The following ANKRD17 variants were observed in gnomAD, a reference collection of about 807,000 sequenced individuals.
The protein encoded by ANKRD17 is ankyrin repeat domain-containing protein 17.
ANKRD17 carries 19 observed loss-of-function variants against 229.7 expected under a neutral mutation model. That is an observed-to-expected ratio of 0.08 (90% CI 0.06 to 0.12). ANKRD17 has a LOEUF of 0.12. Among genes scored for constraint, ANKRD17 ranks in the 10% least tolerant of loss-of-function variants. The pLI is 1.00. For synonymous variants in ANKRD17, 1,112 were observed against 1,146.1 expected (o/e 0.97, Z 0.60); for missense variants, 2,176 against 3,176.8 (o/e 0.68, Z 7.57).
intron 1 of ANKRD17, among the ~76,000 whole-genome samples, chr4:73,180,798 G>C (rs1047935698): frequency 1.3e-5 from 2 of 152,130 alleles, no homozygotes; most frequent in African/African-American, 4.8e-5. Context: ...AATTGCTTTA[G>C]CTGTTACCTA....
At position 73,091,245 on chromosome 4, in the gene ANKRD17, A is replaced by C; in HGVS notation, c.6383T>G (p.Val2128Gly). 6.2e-7 allele frequency: 1 copy of C among 1,614,184 alleles called. No homozygotes were observed. The highest frequency in any genetic ancestry group is 8.5e-7 in the Non-Finnish European group (1 of 1,180,032). The change falls in exon 29 of 34, where the codon GTT (valine) becomes GGT (glycine). Residue 2128 changes from valine to glycine, a missense_variant. Transcript: ENST00000358602. ...AGTCATTCTAACTTCCGGGGGAGGA[A>C]CCTGAGACTGCTGAAGAGGTGGTCT... is the stretch of plus-strand genomic sequence containing the variant. ...EPRPPLQQSQ[V>G]PPPEVRMTVP...
At chr4:73,160,964 T>C (rs1732450005) in intron 3 of ANKRD17, among the ~76,000 whole-genome samples, 1 of 152,240 alleles carries the variant, frequency 6.6e-6, no homozygotes, top group South Asian at 2.1e-4. Context: ...TATTATCTAT[T>C]TGATCTTGAT....
At chr4:73,232,653 C>T (rs1168908124) in intron 1 of ANKRD17, among the ~76,000 whole-genome samples, 2 of 152,024 alleles carry the variant, frequency 1.3e-5, no homozygotes, top group Non-Finnish European at 2.9e-5. Flanking sequence ...ATCACTTGGC[C>T]CGAGAACATA....
At chr4:73,231,702 T>C (rs1362834303) in intron 1 of ANKRD17, among the ~76,000 whole-genome samples, 1 of 152,122 alleles carries the variant, frequency 6.6e-6, no homozygotes, top group African/African-American at 2.4e-5. Flanking sequence ...AGGCCCTAGG[T>C]AGCTTCAGAA....
chr4:73,239,780 A>G (rs1469694342), intron 1 of ANKRD17, among the ~76,000 whole-genome samples: 1 of 152,194 alleles, frequency 6.6e-6, no homozygotes, highest in East Asian at 1.9e-4. Flanking sequence ...ATATAAAAAA[A>G]TCAAATGGAT....
chr4:73,196,276 G>T (rs1410935918), intron 1 of ANKRD17, among the ~76,000 whole-genome samples: 1 of 152,158 alleles, frequency 6.6e-6, no homozygotes, highest in Admixed American at 6.5e-5. Context: ...GGGATTACAG[G>T]CATGAGCCAC....
At position 73,074,211 on chromosome 4, in the gene ANKRD17, C is replaced by G. The variant is rs780733351; in HGVS notation, c.*2020G>C. On this transcript the variant is annotated 3_prime_UTR_variant, in exon 34 of 34. Transcript: ENST00000358602. ...CCTCCTTTTTAAATAAAATACCTCA[C>G]CTAAGAAATTCAGTATTGTGAAACA... 3 of 151,786 alleles carry G rather than the reference C, an allele frequency of 2.0e-5. No homozygotes were observed. Among genetic ancestry groups the G allele is most frequent in the Non-Finnish European group, 4.4e-5 (3 of 67,816 alleles). 9.4% of individuals were successfully genotyped at this position (151,786 alleles called of 1,614,324 possible).
At chr4:73,086,013 T>C (rs1722084230) in intron 29 of ANKRD17, among the ~76,000 whole-genome samples, 1 of 151,978 alleles carries the variant, frequency 6.6e-6, no homozygotes, top group African/African-American at 2.4e-5. Flanking sequence ...AACTAAACTA[T>C]GTAGATAATT....
Position 73,172,250 on chromosome 4 carries a change from C to T in ANKRD17, c.547+5130G>A, listed in dbSNP as rs191159625. ...AGACTTTTCAGTGGAAACCTTACAG[C>T]CCAGGAGAGAGTGGCATGACATAAA... is the stretch of plus-strand genomic sequence containing the variant. On this transcript the variant is annotated intron_variant, in intron 2 of 33. Transcript: ENST00000358602. Among the ~76,000 whole-genome samples, 23 of 152,168 alleles carry T rather than the reference C, an allele frequency of 1.5e-4. No homozygotes were observed. In the East Asian group the frequency reaches 4.3e-3, roughly 28 times the overall value.
At chr4:73,094,485 C>T (rs973897241) in intron 27 of ANKRD17, among the ~76,000 whole-genome samples, 2 of 151,986 alleles carry the variant, frequency 1.3e-5, no homozygotes, top group Non-Finnish European at 2.9e-5. Flanking sequence ...TCACTTGTAT[C>T]GGTAAAGCAC....
At chr4:73,100,263 G>A (rs1375395080) in intron 25 of ANKRD17, among the ~76,000 whole-genome samples, 1 of 152,130 alleles carries the variant, frequency 6.6e-6, no homozygotes, top group Admixed American at 6.5e-5. Flanking sequence ...GGCAGGCTGG[G>A]TGACCGACCA....
intron 1 of ANKRD17, among the ~76,000 whole-genome samples, chr4:73,207,733 T>C (rs1739665090): frequency 6.6e-6 from 1 of 152,130 alleles, no homozygotes; most frequent in Non-Finnish European, 1.5e-5. Flanking sequence ...ATAGTAACTC[T>C]AAATGTGTAT....
rs1480843501 is a variant in ANKRD17 at position 73,206,422 on chromosome 4, A to AAGCGAG, written c.394-28890_394-28889insCTCGCT. 1.0e-3 allele frequency among the ~76,000 whole-genome samples: 145 copies of AAGCGAG among 144,770 alleles called. 2 individuals carry two copies. The highest frequency in any genetic ancestry group is 3.0e-3 in the African/African-American group (113 of 37,608). The allele number at this position is 144,770 out of a possible 152,430, so 95.0% of individuals were successfully genotyped here. ...AGAAAGAAAGAGAGAGAGAGAAAGA[A>AAGCGAG]AGTGAGAGAGAGAGAGAGAGAGAGA... On this transcript the variant is annotated intron_variant, in intron 1 of 33. Coordinates refer to ENST00000358602, the MANE Select transcript of ANKRD17 (RefSeq NM_032217.5).
At chr4:73,142,521 A>G in intron 12 of ANKRD17, 119 bp downstream of exon 12, 1 of 1,585,212 alleles carries the variant, frequency 6.3e-7, no homozygotes, top group Non-Finnish European at 8.6e-7. Context: ...TCAAGTGAAA[A>G]AGGAGAAAAT....
intron 16 of ANKRD17, among the ~76,000 whole-genome samples, chr4:73,127,006 T>C (rs1727562148): frequency 6.6e-6 from 1 of 152,262 alleles, no homozygotes; most frequent in African/African-American, 2.4e-5. Context: ...AATTTAAATG[T>C]AATAACTGAT....
chr4:73,250,719 T>C (rs953640811), intron 1 of ANKRD17, among the ~76,000 whole-genome samples: 4 of 151,360 alleles, frequency 2.6e-5, no homozygotes, highest in Non-Finnish European at 5.9e-5. Flanking sequence ...GTTGTTGTTG[T>C]TGCTTGAGAC....
chr4:73,146,144 A>C (rs961468761), intron 10 of ANKRD17, among the ~76,000 whole-genome samples: 4 of 152,032 alleles, frequency 2.6e-5, no homozygotes, highest in Non-Finnish European at 5.9e-5. Flanking sequence ...ATTTTTTCCA[A>C]TTGAAATATC....
intron 1 of ANKRD17, among the ~76,000 whole-genome samples, chr4:73,236,032 A>G (rs927816141): frequency 1.3e-5 from 2 of 151,834 alleles, no homozygotes; most frequent in Non-Finnish European, 2.9e-5. Context: ...GCAAATTATT[A>G]TTTTTTAAAG....
intron 25 of ANKRD17, among the ~76,000 whole-genome samples, chr4:73,101,681 AGG>A (rs1415822445): frequency 1.3e-4 from 20 of 150,480 alleles, no homozygotes; most frequent in Non-Finnish European, 2.7e-4. Flanking sequence ...AAAAAAAAAA[AGG>A]ATTTATAGGC....
Sources: gnomAD v4.1 joint callset for allele counts (sites outside exome capture counted in the v4.1 genomes callset) on GRCh38, gnomAD v4.1.1 for gene constraint, MANE v1.5 for transcripts, NCBI Gene and HGNC (gene_info 2026-07-23, HGNC 2026-07-21) for gene names.